Variants in AGMO observed in about 807,000 individuals in gnomAD.
AGMO encodes alkylglycerol monooxygenase.
AGMO carries 75 observed loss-of-function variants against 60.2 expected under a neutral mutation model. The ratio of observed to expected loss-of-function variants is 1.25; its 90% confidence interval spans 1.03 to 1.51. The LOEUF is 1.51. AGMO is among the 40% of genes most tolerant of loss of function. The probability of loss-of-function intolerance (pLI) is 0.00; values close to 1 mark genes in which losing one functional copy is unlikely to be tolerated. For synonymous variants in AGMO, 261 were observed against 177.1 expected, an observed-to-expected ratio of 1.47 and a Z score of -3.76; for missense variants, 763 against 525.5, an observed-to-expected ratio of 1.45 and a Z score of -4.42.
At chr7:15,444,201 G>T (rs1012351455) in intron 3 of AGMO, among the ~76,000 whole-genome samples, 1 of 152,022 alleles carries the variant, frequency 6.6e-6, no homozygotes, top group African/African-American at 2.4e-5. Flanking sequence ...TCATATCCAT[G>T]ATCAATAACC....
downstream of AGMO, among the ~76,000 whole-genome samples, chr7:15,195,467 T>C (rs1033928336): frequency 1.3e-5 from 2 of 152,212 alleles, no homozygotes; most frequent in Admixed American, 6.5e-5. Context: ...GACGCTTACA[T>C]AGTACTGCGA....
At chr7:15,152,620 T>G in the AGMO span, among the ~76,000 whole-genome samples, 1 of 152,150 alleles carries the variant, frequency 6.6e-6, no homozygotes, top group South Asian at 2.1e-4. Context: ...CCGAGTTACT[T>G]AACTTAAAAT....
intron 5 of AGMO, among the ~76,000 whole-genome samples, chr7:15,407,228 A>AATGCATATATATAT (rs1562491950): frequency 2.8e-5 from 2 of 72,434 alleles, no homozygotes; most frequent in Non-Finnish European, 3.3e-5. Flanking sequence ...CTTTCTTTGG[A>AATGCATATATATAT]ATACATATAT....
intron 10 of AGMO, among the ~76,000 whole-genome samples, chr7:15,367,445 A>G (rs564891583): frequency 2.5e-4 from 38 of 152,122 alleles, no homozygotes; most frequent in African/African-American, 7.9e-4. Flanking sequence ...AGTTGTCATT[A>G]TATCGGCTTT....
intron 12 of AGMO, among the ~76,000 whole-genome samples, chr7:15,354,498 A>ATATACGCGTG (rs1782438638): frequency 8.1e-5 from 1 of 12,284 alleles, no homozygotes; most frequent in Non-Finnish European, 1.3e-4. Flanking sequence ...ACACACGTGT[A>ATATACGCGTG]TATATATATA....
At chr7:15,488,558 G>A (rs1351070122) in intron 3 of AGMO, among the ~76,000 whole-genome samples, 1 of 151,980 alleles carries the variant, frequency 6.6e-6, no homozygotes, top group African/African-American at 2.4e-5. Flanking sequence ...TCATCTGTTT[G>A]GCAAAATATA....
chr7:15,521,157 A>G (rs1353764710), intron 3 of AGMO, among the ~76,000 whole-genome samples: 1 of 152,192 alleles, frequency 6.6e-6, no homozygotes, highest in African/African-American at 2.4e-5. Context: ...AAAAAGTTGA[A>G]TCCCTGAATA....
intron 12 of AGMO, among the ~76,000 whole-genome samples, chr7:15,327,903 C>T (rs1161413196): frequency 6.7e-6 from 1 of 150,078 alleles, no homozygotes; most frequent in East Asian, 2.0e-4. Context: ...TAGCTGGGGA[C>T]TACAGGTGTA....
At chr7:15,355,560 T>C (rs1380104452) in intron 12 of AGMO, among the ~76,000 whole-genome samples, 1 of 151,188 alleles carries the variant, frequency 6.6e-6, no homozygotes, top group African/African-American at 2.4e-5. Context: ...AAATTATGTA[T>C]TAGCTTAATA....
chr7:15,188,345 A>C, the AGMO span, among the ~76,000 whole-genome samples: 1 of 152,214 alleles, frequency 6.6e-6, no homozygotes, highest in Non-Finnish European at 1.5e-5. Context: ...TGAGGATCAC[A>C]TGAGTTAGTG....
chr7:15,117,750 G>A, the AGMO span, among the ~76,000 whole-genome samples: 83 of 151,914 alleles, frequency 5.5e-4, no homozygotes, highest in African/African-American at 1.8e-3. Flanking sequence ...CTACTGTTAC[G>A]TCCAATGAGA....
intron 12 of AGMO, among the ~76,000 whole-genome samples, chr7:15,275,945 G>C (rs948050191): frequency 6.6e-6 from 1 of 151,916 alleles, no homozygotes; most frequent in African/African-American, 2.4e-5. Flanking sequence ...GTAGTTTCTT[G>C]CTTGCAGCAA....
In AGMO at chr7:15,314,832, T is replaced by C. The variant is rs376237006; in HGVS notation, c.1263+50682A>G. Reference sequence around the variant, plus strand: ...ACACCCAATCTTATCAACTGAGCCATCAAAAACAGTGAACTTTCTCTTGCT... The same window carrying C: ...ACACCCAATCTTATCAACTGAGCCACCAAAAACAGTGAACTTTCTCTTGCT... On this transcript the variant is annotated intron_variant, in intron 12 of 12. Coordinates refer to ENST00000342526, the MANE Select transcript of AGMO (RefSeq NM_001004320.2). Among the ~76,000 whole-genome samples the C allele has an allele frequency of 7.2e-5, 11 of 151,846 alleles. No homozygotes were observed. In the East Asian group the frequency reaches 1.7e-3, roughly 24 times the overall value.
At chr7:15,531,576 ATATATATTC>A (rs1784361170) in intron 3 of AGMO, among the ~76,000 whole-genome samples, 1 of 117,852 alleles carries the variant, frequency 8.5e-6, no homozygotes, top group African/African-American at 3.3e-5. Context: ...TATATTCCAT[ATATATATTC>A]TATATATATT....
At chr7:15,338,667 G>A (rs1213228031) in intron 12 of AGMO, among the ~76,000 whole-genome samples, 1 of 152,082 alleles carries the variant, frequency 6.6e-6, no homozygotes, top group South Asian at 2.1e-4. Flanking sequence ...TGCAAAGGGA[G>A]GAAGGGCTGA....
intron 2 of AGMO, among the ~76,000 whole-genome samples, chr7:15,557,773 TTCTTTACA>T (rs1258099805): frequency 2.6e-5 from 4 of 152,064 alleles, no homozygotes; most frequent in African/African-American, 9.7e-5. Context: ...TTTAGAATTG[TTCTTTACA>T]TCTACAAGGA....
chr7:15,354,327 T>TACGCGTGCATACAC (rs1782376524), intron 12 of AGMO, among the ~76,000 whole-genome samples: 1 of 32,224 alleles, frequency 3.1e-5, no homozygotes, highest in Non-Finnish European at 5.3e-5. Context: ...TGTATATACG[T>TACGCGTGCATACAC]ACGCGTGTAT....
At chr7:15,370,760 G>A (rs1414313121) in intron 10 of AGMO, among the ~76,000 whole-genome samples, 2 of 151,888 alleles carry the variant, frequency 1.3e-5, no homozygotes, top group Non-Finnish European at 2.9e-5. Flanking sequence ...TGTTGATCTG[G>A]TTAAGTTCCT....
chr7:15,367,956 T>C (rs1783049683), intron 10 of AGMO, among the ~76,000 whole-genome samples: 2 of 152,084 alleles, frequency 1.3e-5, no homozygotes, highest in South Asian at 2.1e-4. Flanking sequence ...CCAGTCACAA[T>C]TTTTGCTCAC....
Sources: gnomAD v4.1 joint callset for allele counts (sites outside exome capture counted in the v4.1 genomes callset) on GRCh38, gnomAD v4.1.1 for gene constraint, MANE v1.5 for transcripts, NCBI Gene and HGNC (gene_info 2026-07-23, HGNC 2026-07-21) for gene names.